The following MAPKBP1 variants were observed in gnomAD, a reference collection of about 807,000 sequenced individuals.
MAPKBP1 encodes the protein mitogen-activated protein kinase binding protein 1, also known as mitogen-activated protein kinase-binding protein 1.
MAPKBP1 carries 71 observed loss-of-function variants against 170.5 expected under a neutral mutation model. The observed-to-expected ratio is 0.42, with a 90% CI of 0.34 to 0.51. The LOEUF is 0.51. MAPKBP1 is among the 20% of genes least tolerant of loss of function. The pLI, the probability that MAPKBP1 is intolerant of heterozygous loss-of-function variation, is 0.06. For synonymous variants in MAPKBP1, 719 were observed against 757.9 expected (o/e 0.95, Z 0.84); for missense variants, 1,598 against 1,933.0 (o/e 0.83, Z 3.25).
chr15:41,808,877 G>C lies in MAPKBP1; in HGVS notation c.207-2006G>C, dbSNP rs1354202684. On this transcript the variant is annotated intron_variant, in intron 3 of 30. Coordinates refer to ENST00000457542, the MANE Select transcript of MAPKBP1 (RefSeq NM_014994.3). ...AGAAAGGAGTTCAAGACCAGCCTGG[G>C]CAACATGGCAAAACCCCATCTCTAC... is the stretch of plus-strand genomic sequence containing the variant. Among the ~76,000 whole-genome samples, 3 of 151,852 alleles carry C rather than the reference G, an allele frequency of 2.0e-5. No individual in the cohort carries two copies. In the East Asian group the frequency reaches 5.8e-4, roughly 29 times the overall value.
At chr15:41,774,880 GT>G in intron 1 of MAPKBP1, 1 of 438,074 alleles carries the variant, frequency 2.3e-6, no homozygotes, top group East Asian at 3.4e-5. Flanking sequence ...CATGGGAACA[GT>G]TGGGCATTAA....
At chr15:41,821,483 A>C (rs2064994192) in intron 23 of MAPKBP1, 101 bp from the exon 24 acceptor site, 2 of 1,102,974 alleles carry the variant, frequency 1.8e-6, no homozygotes, top group East Asian at 4.7e-5. Flanking sequence ...CCTCTTCTCC[A>C]AGGGGAGGGT....
intron 4 of MAPKBP1, 116 bp downstream of exon 4, chr15:41,811,061 G>A: frequency 1.3e-6 from 2 of 1,526,586 alleles, no homozygotes; most frequent in Non-Finnish European, 9.1e-7. Context: ...AAAGCCAGAT[G>A]GGGAAGTGCC....
chr15:41,813,971 T>C (rs925176898), intron 9 of MAPKBP1, among the ~76,000 whole-genome samples, 190 bp downstream of exon 9: 4 of 152,192 alleles, frequency 2.6e-5, no homozygotes, highest in Non-Finnish European at 4.4e-5. Context: ...CATGGAGAAC[T>C]GTGGAGAGTC....
chr15:41,816,365 C>G, intron 12 of MAPKBP1, 194 bp from the exon 13 acceptor site: 1 of 566,634 alleles, frequency 1.8e-6, no homozygotes, highest in South Asian at 2.4e-5. Flanking sequence ...ATTGCACTAT[C>G]GTTATGTAAG....
intron 3 of MAPKBP1, among the ~76,000 whole-genome samples, chr15:41,809,386 G>A (rs1226439555): frequency 6.6e-6 from 1 of 152,190 alleles, no homozygotes; most frequent in Non-Finnish European, 1.5e-5. Context: ...CACATCGGAG[G>A]TCCCAGTGTC....
At chr15:41,813,517 G>C in intron 8 of MAPKBP1, 104 bp from the exon 9 acceptor site, 1 of 1,511,702 alleles carries the variant, frequency 6.6e-7, no homozygotes, top group South Asian at 1.1e-5. Flanking sequence ...CCTTGCCCCT[G>C]CCTTGGCCGG....
intron 30 of MAPKBP1, among the ~76,000 whole-genome samples, chr15:41,824,917 T>A (rs796347820): frequency 6.6e-6 from 1 of 152,160 alleles, no homozygotes; most frequent in Non-Finnish European, 1.5e-5. Flanking sequence ...CCCTTAGACA[T>A]AGGGGACAGT....
At chr15:41,812,427 C>T (rs2064821390) in intron 6 of MAPKBP1, 89 bp from the exon 7 acceptor site, 2 of 1,554,158 alleles carry the variant, frequency 1.3e-6, no homozygotes, top group Non-Finnish European at 1.8e-6. Flanking sequence ...TTGTCAAGTA[C>T]AAATTCTAAT....
chr15:41,813,160 A>G, intron 8 of MAPKBP1, 59 bp downstream of exon 8: 1 of 1,559,396 alleles, frequency 6.4e-7, no homozygotes, highest in Admixed American at 1.8e-5. Flanking sequence ...GGGGAGAACT[A>G]GTGCCCAGGG....
chr15:41,818,396 C>T lies in MAPKBP1; in HGVS notation c.2092+91C>T. 10 of 1,406,482 alleles carry T rather than the reference C, an allele frequency of 7.1e-6. No homozygotes were observed. Among genetic ancestry groups the T allele is most frequent in the Non-Finnish European group, 1.0e-5 (10 of 999,310 alleles). The allele number at this position is 1,406,482 out of a possible 1,614,324, so 87.1% of individuals were successfully genotyped here. A position where few individuals can be genotyped will look rare whatever the true frequency, so the allele number is the denominator to read the frequency against. ...TGGAACTTCACTCTTCTATTAGTTTCTTGGGACCCGCAGAGCTACCTATCC... is the reference window on the plus strand; with the variant it reads ...TGGAACTTCACTCTTCTATTAGTTTTTTGGGACCCGCAGAGCTACCTATCC... On this transcript the variant is annotated intron_variant, in intron 18 of 30. Transcript: ENST00000457542. The surrounding 1 kb of genome is among the most constrained non-coding windows in gnomAD (Gnocchi z 5.2).
At chr15:41,793,892 C>T (rs2064437995) in intron 2 of MAPKBP1, among the ~76,000 whole-genome samples, 1 of 152,110 alleles carries the variant, frequency 6.6e-6, no homozygotes, top group Admixed American at 6.6e-5. Flanking sequence ...AAGAATTATA[C>T]AAATATGTAG....
chr15:41,779,715 C>A (rs2064152959), intron 2 of MAPKBP1, among the ~76,000 whole-genome samples: 1 of 152,152 alleles, frequency 6.6e-6, no homozygotes, highest in African/African-American at 2.4e-5. Flanking sequence ...TCTTAGTGTT[C>A]AATACACACG....
intron 2 of MAPKBP1, among the ~76,000 whole-genome samples, chr15:41,791,140 C>T (rs993734321): frequency 1.3e-5 from 2 of 151,860 alleles, no homozygotes. Context: ...CATGGTTTGG[C>T]TGGAATGACT....
At chr15:41,786,777 A>AAATATATAT in intron 2 of MAPKBP1, among the ~76,000 whole-genome samples, 371 of 32,310 alleles carry the variant, frequency 0.011, 17 homozygotes, top group Non-Finnish European at 0.017. Context: ...AAAAAAAAAA[A>AAATATATAT]ATATATATAT....
chr15:41,809,995 C>T (rs929979471), intron 3 of MAPKBP1, among the ~76,000 whole-genome samples: 4 of 152,248 alleles, frequency 2.6e-5, no homozygotes, highest in Admixed American at 6.5e-5. Context: ...TCCCCCACCC[C>T]ATCTTACTGA....
At chr15:41,785,494 CG>C (rs2064268564) in intron 2 of MAPKBP1, among the ~76,000 whole-genome samples, 1 of 151,964 alleles carries the variant, frequency 6.6e-6, no homozygotes, top group Non-Finnish European at 1.5e-5. Flanking sequence ...TAGAAACCAC[CG>C]GGGTGATGAG....
chr15:41,789,190 G>A (rs951524138), intron 2 of MAPKBP1, among the ~76,000 whole-genome samples: 2 of 152,020 alleles, frequency 1.3e-5, no homozygotes, highest in African/African-American at 4.8e-5. Context: ...AATCAGGTGT[G>A]TAGAGGAATT....
At chr15:41,785,066 C>A (rs1203877125) in intron 2 of MAPKBP1, among the ~76,000 whole-genome samples, 1 of 152,140 alleles carries the variant, frequency 6.6e-6, no homozygotes, top group East Asian at 1.9e-4. Context: ...TTTGAAAACA[C>A]ATTGTAAGTT....
Sources: gnomAD v4.1 joint callset for allele counts (sites outside exome capture counted in the v4.1 genomes callset) on GRCh38, gnomAD v4.1.1 for gene constraint, Gnocchi (gnomAD v3.1) non-coding constraint, MANE v1.5 for transcripts, NCBI Gene and HGNC (gene_info 2026-07-23, HGNC 2026-07-21) for gene names.